The following CELSR1 variants were observed in gnomAD, a reference collection of about 807,000 sequenced individuals.
The protein encoded by CELSR1 is adhesion G protein-coupled receptor C1.
Under a neutral mutation model 249.1 loss-of-function variants are expected in CELSR1, and 110 were observed. The observed-to-expected ratio is 0.44, with a 90% CI of 0.38 to 0.52. The LOEUF is 0.52. Ranked by LOEUF, CELSR1 falls within the 20% of genes least tolerant of loss-of-function variation. CELSR1 has a pLI of 0.00. For missense variants in CELSR1, 4,109 were observed against 4,296.4 expected (o/e 0.96, Z 1.22); for synonymous variants, 2,113 against 1,900.0 (o/e 1.11, Z -2.92).
intron 1 of CELSR1, among the ~76,000 whole-genome samples, chr22:46,496,146 A>G (rs1215946116): frequency 6.6e-6 from 1 of 151,530 alleles, no homozygotes; most frequent in Non-Finnish European, 1.5e-5. Flanking sequence ...GTGAGCCAAG[A>G]TGGCACCACT....
Position 46,410,637 on chromosome 22 carries a change from C to T in CELSR1, c.4770-76G>A, listed in dbSNP as rs543358172. On this transcript the variant is annotated intron_variant, in intron 6 of 34. Coordinates refer to ENST00000674500, the MANE Select transcript of CELSR1 (RefSeq NM_001378328.1). This position sits in a 1 kb window ranked among gnomAD's most constrained non-coding sequence, Gnocchi z 6.8. The stretch of plus-strand genomic sequence containing the variant: ...ACGGCGGGCTGGGCTCCGCAGTTGC[C>T]TCTGTGTAGCCTCTACCACCATAAC... The T allele has an allele frequency of 4.0e-6, 6 of 1,484,974 alleles. No homozygotes were observed. The Admixed American group carries it at 1.0e-4, about 26-fold the overall frequency. The allele number at this position is 1,484,974 out of a possible 1,614,324, so 92.0% of individuals were successfully genotyped here. A position where few individuals can be genotyped will look rare whatever the true frequency, so the allele number is the denominator to read the frequency against.
intron 1 of CELSR1, among the ~76,000 whole-genome samples, chr22:46,510,890 A>G (rs553948686): frequency 1.3e-5 from 2 of 152,262 alleles, no homozygotes; most frequent in African/African-American, 4.8e-5. Context: ...CCAGGCGGGT[A>G]GATCACCTGA....
chr22:46,380,849 C>T lies in CELSR1; in HGVS notation c.7195G>A (p.Ala2399Thr), dbSNP rs759540808. ...GTTCGCTCCTCCACCTCCAGCAGGG[C>T]GAACTCCACCAGGACGGGCCTCTCC... ...PLERPVLVEF[A>T]LLEVEERTKP... is the part of the protein sequence containing the mutation. Residue 2399 changes from alanine to threonine, a missense_variant, in exon 22 of 35, where the codon GCC becomes ACC. Physicochemically the swap from Ala to Thr is moderately conservative, Grantham distance 58 (BLOSUM62 0). This residue lies in a region of CELSR1 where 1,805 missense variants were observed against 1,831.6 expected (regional missense o/e 0.99). Transcript: ENST00000674500. The surrounding 1 kb of genome is among the most constrained non-coding windows in gnomAD (Gnocchi z 5.1). The T allele has an allele frequency of 1.4e-5, 23 of 1,612,036 alleles. No individual in the cohort carries two copies. Among genetic ancestry groups the T allele is most frequent in the Admixed American group, 1.3e-4 (8 of 59,984 alleles).
At chr22:46,495,380 G>A (rs763891455) in intron 1 of CELSR1, among the ~76,000 whole-genome samples, 2 of 152,206 alleles carry the variant, frequency 1.3e-5, no homozygotes, top group African/African-American at 4.8e-5. Context: ...ATTAAAAACA[G>A]TACACCTATA....
At chr22:46,382,819 C>T (rs1312639806) in intron 20 of CELSR1, among the ~76,000 whole-genome samples, 3 of 152,186 alleles carry the variant, frequency 2.0e-5, no homozygotes, top group African/African-American at 7.2e-5. Context: ...TATCGTGTGA[C>T]TCCTCTTACA....
Position 46,477,053 on chromosome 22 carries a change from T to C in CELSR1, c.3545-12708A>G, listed in dbSNP as rs143515707. Among the ~76,000 whole-genome samples, 26 of 152,326 alleles carry C rather than the reference T, an allele frequency of 1.7e-4. No homozygotes were observed. In the East Asian group the frequency reaches 4.4e-3, roughly 26 times the overall value. On this transcript the variant is annotated intron_variant, in intron 1 of 34. Coordinates refer to ENST00000674500, the MANE Select transcript of CELSR1 (RefSeq NM_001378328.1). Reference sequence around the variant, plus strand: ...ATTCTAAAGGGCATTTCAAGAACCATTTCCTTCAAACCAAGCTGTCGAATG... The same window carrying C: ...ATTCTAAAGGGCATTTCAAGAACCACTTCCTTCAAACCAAGCTGTCGAATG...
At chr22:46,491,532 G>C (rs1440136595) in intron 1 of CELSR1, among the ~76,000 whole-genome samples, 1 of 151,572 alleles carries the variant, frequency 6.6e-6, no homozygotes, top group Non-Finnish European at 1.5e-5. Flanking sequence ...CAAAGTGCTG[G>C]GATTACAGGT....
chr22:46,530,732 C>T (rs144074237), intron 1 of CELSR1, among the ~76,000 whole-genome samples: 2 of 152,338 alleles, frequency 1.3e-5, no homozygotes, highest in African/African-American at 2.4e-5. Flanking sequence ...TAGTCACAGT[C>T]ACAGTGTTCA....
chr22:46,477,513 GC>G (rs2080221786), intron 1 of CELSR1, among the ~76,000 whole-genome samples: 2 of 84,286 alleles, frequency 2.4e-5, no homozygotes, highest in African/African-American at 7.6e-5. Flanking sequence ...TGTTTTATTG[GC>G]TTTTTTTTTT....
intron 1 of CELSR1, among the ~76,000 whole-genome samples, chr22:46,520,333 A>T (rs1164163120): frequency 6.6e-6 from 1 of 151,542 alleles, no homozygotes; most frequent in Non-Finnish European, 1.5e-5. Context: ...GGGAAATCAT[A>T]CCTGAAACCA....
At chr22:46,457,532 C>T (rs2079970571) in intron 2 of CELSR1, among the ~76,000 whole-genome samples, 1 of 152,192 alleles carries the variant, frequency 6.6e-6, no homozygotes, top group South Asian at 2.1e-4. Context: ...GATGTTCAGC[C>T]TTGCAGAAAA....
At chr22:46,495,707 T>C (rs1218453360) in intron 1 of CELSR1, among the ~76,000 whole-genome samples, 2 of 152,062 alleles carry the variant, frequency 1.3e-5, no homozygotes, top group African/African-American at 2.4e-5. Context: ...TCCCAGCTAC[T>C]TGGAGGCTGA....
In CELSR1 at chr22:46,526,374, A is replaced by C. The variant is rs2080738923; in HGVS notation, c.3544+7253T>G. Among the ~76,000 whole-genome samples, 1 of 151,956 alleles carries C rather than the reference A, an allele frequency of 6.6e-6. No individual in the cohort carries two copies. Among genetic ancestry groups the C allele is most frequent in the South Asian group, 2.1e-4 (1 of 4,814 alleles). ...GCTAGGTGCTGTGCGTAACCCGCCA[A>C]CTCTGCTGGGCCTTTAGCTCAGCCT... On this transcript the variant is annotated intron_variant, in intron 1 of 34. Coordinates refer to ENST00000674500, the MANE Select transcript of CELSR1 (RefSeq NM_001378328.1). The surrounding 1 kb of genome is among the most constrained non-coding windows in gnomAD (Gnocchi z 4.7).
intron 5 of CELSR1, among the ~76,000 whole-genome samples, chr22:46,418,327 A>C (rs957938748): frequency 6.6e-6 from 1 of 152,116 alleles, no homozygotes; most frequent in African/African-American, 2.4e-5. Flanking sequence ...CTGAAAAAAT[A>C]CAAAAAAAAT....
intron 5 of CELSR1, among the ~76,000 whole-genome samples, chr22:46,421,384 C>G (rs1027327173): frequency 1.3e-5 from 2 of 152,158 alleles, no homozygotes; most frequent in Non-Finnish European, 2.9e-5. Context: ...CTCAGCCGGG[C>G]GTGAAACTGA....
At chr22:46,469,997 A>C (rs2080138850) in intron 1 of CELSR1, among the ~76,000 whole-genome samples, 1 of 84,870 alleles carries the variant, frequency 1.2e-5, no homozygotes, top group Admixed American at 1.5e-4. Context: ...GGAGGGAGGG[A>C]GGGAGAGGCA....
In CELSR1 at chr22:46,397,717, G is replaced by A; in HGVS notation, c.5658C>T (p.Arg1886=). ...TGTAGTCCTCCCAGGCGTCGTGGCA[G>A]CGGCTATTGGGGGGACAGGGGCTCG... ...CTSSPCPPNS[R]CHDAWEDYSC... The change falls in exon 12 of 35, where the codon CGC becomes CGT. Residue 1886 remains arginine, a synonymous_variant. Transcript: ENST00000674500. The A allele has an allele frequency of 6.3e-7, 1 of 1,581,394 alleles. No homozygotes were observed. The highest frequency in any genetic ancestry group is 8.6e-7 in the Non-Finnish European group (1 of 1,162,078).
At chr22:46,474,785 C>CTACTTTT (rs1555925990) in intron 1 of CELSR1, among the ~76,000 whole-genome samples, 1 of 45,196 alleles carries the variant, frequency 2.2e-5, no homozygotes, top group Non-Finnish European at 4.2e-5. Context: ...CTACTCTCTA[C>CTACTTTT]TTCTTTTTTT....
In CELSR1 at chr22:46,396,489, G is replaced by A. The variant is rs570852739; in HGVS notation, c.5843+116C>T. 6.3e-6 allele frequency: 7 copies of A among 1,113,822 alleles called. No individual in the cohort carries two copies. Among genetic ancestry groups the A allele is most frequent in the African/African-American group, 1.6e-5 (1 of 62,188 alleles). 69.0% of individuals were successfully genotyped at this position (1,113,822 alleles called of 1,614,324 possible). A position where few individuals can be genotyped will look rare whatever the true frequency, so the allele number is the denominator to read the frequency against. On this transcript the variant is annotated intron_variant, in intron 13 of 34. Transcript: ENST00000674500. This position sits in a 1 kb window ranked among gnomAD's most constrained non-coding sequence, Gnocchi z 6.4. ...CCAAATTAAAAAAAAATATGTCCCTGTTACCCAGAATCACACATATCTTTG... is the reference window on the plus strand; with the variant it reads ...CCAAATTAAAAAAAAATATGTCCCTATTACCCAGAATCACACATATCTTTG...
Sources: allele counts gnomAD v4.1 joint callset (sites outside exome capture counted in the v4.1 genomes callset), GRCh38; gene constraint gnomAD v4.1.1; regional missense constraint gnomAD v4.1.1; non-coding constraint Gnocchi (gnomAD v3.1); transcripts MANE v1.5; gene names NCBI Gene and HGNC (gene_info 2026-07-23, HGNC 2026-07-21).